The following PNO1 variants were observed in gnomAD, a reference collection of about 807,000 sequenced individuals.
PNO1 encodes partner of NOB1 homolog, also known as RNA-binding protein PNO1.
In PNO1, 16 loss-of-function variants were observed where a neutral mutation model predicts 28.4. The observed-to-expected ratio is 0.56, with a 90% CI of 0.38 to 0.85. The LOEUF (loss-of-function observed/expected upper bound fraction) is 0.85, where lower values mean the gene tolerates loss of function less well. PNO1 is among the 40% of genes least tolerant of loss of function. PNO1 has a pLI of 0.00. For synonymous variants in PNO1, 115 were observed against 110.8 expected (o/e 1.04, Z -0.24); for missense variants, 304 against 312.2 (o/e 0.97, Z 0.20).
chr2:68,165,382 AC>A, intron 5 of PNO1, among the ~76,000 whole-genome samples: 3 of 130,804 alleles, frequency 2.3e-5, no homozygotes, highest in African/African-American at 6.0e-5. Flanking sequence ...AAAAAAAACA[AC>A]AAAAAAAAAA....
At chr2:68,170,512 C>T (rs1299084528) in intron 5 of PNO1, among the ~76,000 whole-genome samples, 2 of 152,144 alleles carry the variant, frequency 1.3e-5, no homozygotes, top group Non-Finnish European at 2.9e-5. Flanking sequence ...CTTTGGGAGG[C>T]CGAGGCGGGC....
At chr2:68,173,951 T>C (rs1284744885) in intron 6 of PNO1, among the ~76,000 whole-genome samples, 1 of 152,226 alleles carries the variant, frequency 6.6e-6, no homozygotes, top group East Asian at 1.9e-4. Context: ...TGGGTAATAT[T>C]GCTTAAATCT....
chr2:68,173,928 A>T (rs1203683458), intron 6 of PNO1, among the ~76,000 whole-genome samples: 3 of 152,208 alleles, frequency 2.0e-5, no homozygotes, highest in Non-Finnish European at 4.4e-5. Context: ...GCAAGAGAAG[A>T]GAAGGTGTTT....
chr2:68,161,984 A>G (rs1673843149), intron 3 of PNO1, among the ~76,000 whole-genome samples: 1 of 152,044 alleles, frequency 6.6e-6, no homozygotes, highest in Non-Finnish European at 1.5e-5. Context: ...TAAAAATACA[A>G]AAAAATTAGC....
chr2:68,170,034 A>ATT (rs1347168883), intron 5 of PNO1, among the ~76,000 whole-genome samples: 9 of 152,224 alleles, frequency 5.9e-5, no homozygotes, highest in Non-Finnish European at 1.3e-4. Context: ...TACAAACTGA[A>ATT]TTACAGACTA....
rs947274888 is a variant in PNO1 at position 68,158,161 on chromosome 2, G to C, written c.207+20G>C. The C allele has an allele frequency of 5.8e-6, 9 of 1,564,434 alleles. No homozygotes were observed. The African/African-American group carries it at 1.2e-4, about 21-fold the overall frequency. On this transcript the variant is annotated intron_variant, in intron 1 of 6. Transcript: ENST00000263657. ...CTCCTGGTATGTGGCTGGGACCCTA[G>C]GACAGCAACGAGGCAAGGGCCAGAC...
intron 5 of PNO1, among the ~76,000 whole-genome samples, chr2:68,170,900 T>C (rs1674115699): frequency 6.6e-6 from 1 of 152,204 alleles, no homozygotes; most frequent in Non-Finnish European, 1.5e-5. Flanking sequence ...GCCTCTTATT[T>C]TTCAGATTCA....
At chr2:68,165,244 G>A (rs1673947040) in intron 5 of PNO1, among the ~76,000 whole-genome samples, 1 of 150,320 alleles carries the variant, frequency 6.7e-6, no homozygotes. Flanking sequence ...GGCGCCTGTA[G>A]TCCCAGCTAC....
chr2:68,158,410 G>C lies in PNO1; in HGVS notation c.238G>C (p.Val80Leu). Residue 80 changes from valine (V) to leucine (L), a missense_variant, in exon 2 of 7, where the codon GTC becomes CTC. By Grantham distance (32) the Val-to-Leu change is conservative (BLOSUM62 1). Coordinates refer to ENST00000263657, the MANE Select transcript of PNO1 (RefSeq NM_020143.4). ...SGKEETRKIPVPANRYTPLKE... is the reference protein window; with the variant it reads ...SGKEETRKIPLPANRYTPLKE... Reference sequence around the variant, plus strand: ...GAAAGAAGAAACAAGGAAAATTCCAGTCCCAGCTAACAGATACACACCATT... The same window carrying C: ...GAAAGAAGAAACAAGGAAAATTCCACTCCCAGCTAACAGATACACACCATT... The C allele has an allele frequency of 1.1e-5, 17 of 1,612,324 alleles. No individual in the cohort carries two copies. The highest frequency in any genetic ancestry group is 1.4e-5 in the Non-Finnish European group (17 of 1,179,432).
At chr2:68,174,500 A>AT (rs1473781299) in intron 6 of PNO1, among the ~76,000 whole-genome samples, 2 of 152,118 alleles carry the variant, frequency 1.3e-5, no homozygotes, top group African/African-American at 4.8e-5. Context: ...ATACAGTACT[A>AT]TTTACATAGC....
intron 5 of PNO1, among the ~76,000 whole-genome samples, chr2:68,166,902 T>C (rs184700294): frequency 1.8e-4 from 27 of 152,334 alleles, no homozygotes; most frequent in Admixed American, 1.2e-3. Flanking sequence ...TAGCTCTTGA[T>C]TTCTCCGTGA....
intron 2 of PNO1, among the ~76,000 whole-genome samples, chr2:68,159,833 G>A (rs751234068): frequency 2.6e-5 from 4 of 151,874 alleles, no homozygotes; most frequent in Admixed American, 6.6e-5. Context: ...GAGTGGTTTC[G>A]TTGTAGGTTT....
chr2:68,158,535 G>A lies in PNO1; in HGVS notation c.357+6G>A. 6.2e-7 allele frequency: 1 copy of A among 1,609,524 alleles called. No homozygotes were observed. Among genetic ancestry groups the A allele is most frequent in the Non-Finnish European group, 8.5e-7 (1 of 1,178,220 alleles). On this transcript the variant is annotated splice_donor_region_variant and intron_variant, in intron 2 of 6. Coordinates refer to ENST00000263657, the MANE Select transcript of PNO1 (RefSeq NM_020143.4). ...CAAGGAATGTAGAAATCAGGGTAAG[G>A]AAAATCTCAATCATTTCCCAATACA...
chr2:68,171,986 G>C (rs1674143304), intron 5 of PNO1, among the ~76,000 whole-genome samples: 1 of 152,182 alleles, frequency 6.6e-6, no homozygotes, highest in East Asian at 1.9e-4. Flanking sequence ...ATTATGGGGG[G>C]GTTGCAGTTT....
intron 6 of PNO1, among the ~76,000 whole-genome samples, chr2:68,174,006 A>G (rs150962222): frequency 6.6e-6 from 1 of 152,374 alleles, no homozygotes; most frequent in Non-Finnish European, 1.5e-5. Context: ...ATTCCAGAAT[A>G]GCAGGGAACA....
At chr2:68,172,708 T>C (rs955487863) in intron 5 of PNO1, among the ~76,000 whole-genome samples, 1 of 152,216 alleles carries the variant, frequency 6.6e-6, no homozygotes, top group Non-Finnish European at 1.5e-5. Context: ...GTGTGTCGTC[T>C]TGGGCAGGCT....
rs763071181 is a variant in PNO1 at position 68,158,142 on chromosome 2, G to C, written c.207+1G>C. The C allele has an allele frequency of 1.0e-5, 16 of 1,593,484 alleles. No homozygotes were observed. Among genetic ancestry groups the C allele is most frequent in the Non-Finnish European group, 1.3e-5 (15 of 1,169,510 alleles). ...ACCCCTCTGTGGGGACGGGCTCCTG[G>C]TATGTGGCTGGGACCCTAGGACAGC... On this transcript the variant is annotated splice_donor_variant, in intron 1 of 6. Coordinates refer to ENST00000263657, the MANE Select transcript of PNO1 (RefSeq NM_020143.4). LOFTEE classifies it high-confidence loss of function.
Position 68,162,402 on chromosome 2 carries a change from A to T in PNO1, c.502+77A>T. On this transcript the variant is annotated intron_variant, in intron 4 of 6. Coordinates refer to ENST00000263657, the MANE Select transcript of PNO1 (RefSeq NM_020143.4). ...TGACTCTCAGTTTTCTAATAGCATC[A>T]ATTGAGCTGTATTTTTAGCAACTTA... The T allele has an allele frequency of 5.1e-6, 6 of 1,187,854 alleles. No individual in the cohort carries two copies. In the South Asian group the frequency reaches 7.8e-5, roughly 15 times the overall value. 73.6% of individuals were successfully genotyped at this position (1,187,854 alleles called of 1,614,324 possible).
At chr2:68,160,810 A>G (rs1673810674) in intron 2 of PNO1, among the ~76,000 whole-genome samples, 1 of 152,236 alleles carries the variant, frequency 6.6e-6, no homozygotes, top group African/African-American at 2.4e-5. Context: ...GTCTAAGGTC[A>G]CATATAGGAT....
Sources: gnomAD v4.1 joint callset for allele counts (sites outside exome capture counted in the v4.1 genomes callset) on GRCh38, gnomAD v4.1.1 for gene constraint, MANE v1.5 for transcripts, NCBI Gene and HGNC (gene_info 2026-07-23, HGNC 2026-07-21) for gene names.